Variants in ARPP21 observed in about 807,000 individuals in gnomAD.
The protein encoded by ARPP21 is cAMP regulated phosphoprotein 21, also known as cAMP-regulated phosphoprotein 21.
ARPP21 carries 69 observed loss-of-function variants against 113.2 expected under a neutral mutation model. The ratio of observed to expected loss-of-function variants is 0.61; its 90% CI spans 0.50 to 0.74. The LOEUF is 0.74. Among genes scored for constraint, ARPP21 ranks in the 30% least tolerant of loss-of-function variants. ARPP21 has a pLI of 0.00. For synonymous variants in ARPP21, 368 were observed against 375.5 expected (o/e 0.98, Z 0.23); for missense variants, 1,070 against 1,037.4 (o/e 1.03, Z -0.43).
chr3:35,687,252 T>C (rs548245208), intron 5 of ARPP21, among the ~76,000 whole-genome samples: 13 of 151,484 alleles, frequency 8.6e-5, no homozygotes, highest in African/African-American at 2.9e-4. Flanking sequence ...TTTTTAATTG[T>C]AAATTCAGTA....
chr3:35,746,223 A>G (rs2095039684), intron 19 of ARPP21, among the ~76,000 whole-genome samples: 1 of 152,208 alleles, frequency 6.6e-6, no homozygotes, highest in Non-Finnish European at 1.5e-5. Flanking sequence ...TTGGGAAAGC[A>G]GATGGTGTTC....
At chr3:35,705,040 C>G (rs188099608) in intron 9 of ARPP21, among the ~76,000 whole-genome samples, 2 of 152,104 alleles carry the variant, frequency 1.3e-5, no homozygotes, top group East Asian at 3.9e-4. Context: ...CAAATACAAA[C>G]AAAATTTCTG....
At chr3:35,713,158 G>C (rs1423622567) in intron 11 of ARPP21, among the ~76,000 whole-genome samples, 4 of 152,068 alleles carry the variant, frequency 2.6e-5, no homozygotes, top group Non-Finnish European at 5.9e-5. Flanking sequence ...ATCCGAGAAT[G>C]CATATAAGTG....
intron 19 of ARPP21, among the ~76,000 whole-genome samples, chr3:35,789,089 C>G (rs2096691607): frequency 6.6e-6 from 1 of 152,194 alleles, no homozygotes; most frequent in African/African-American, 2.4e-5. Flanking sequence ...ACTGTTGCTG[C>G]TTCAGTTTTG....
intron 1 of ARPP21, among the ~76,000 whole-genome samples, chr3:35,674,382 G>A (rs1193547984): frequency 1.3e-5 from 2 of 151,886 alleles, no homozygotes; most frequent in Non-Finnish European, 1.5e-5. Context: ...ATTTGTTTCA[G>A]TTACACAAGG....
At chr3:35,740,390 G>A (rs1308258220) in intron 18 of ARPP21, among the ~76,000 whole-genome samples, 7 of 152,190 alleles carry the variant, frequency 4.6e-5, no homozygotes, top group Non-Finnish European at 7.3e-5. Flanking sequence ...TGGATGAGCT[G>A]TTTAAAGTGC....
At chr3:35,706,916 A>G in intron 9 of ARPP21, 58 bp from the exon 10 acceptor site, 11 of 1,339,152 alleles carry the variant, frequency 8.2e-6, no homozygotes, top group Non-Finnish European at 1.2e-5. Context: ...AACACTAAAA[A>G]ATAACTTTAA....
At chr3:35,772,730 G>A (rs930121371) in intron 19 of ARPP21, among the ~76,000 whole-genome samples, 1 of 152,030 alleles carries the variant, frequency 6.6e-6, no homozygotes, top group South Asian at 2.1e-4. Context: ...TTTATTTTGG[G>A]CAGTCATCTG....
intron 1 of ARPP21, among the ~76,000 whole-genome samples, chr3:35,675,885 T>G (rs181579707): frequency 6.6e-5 from 10 of 151,966 alleles, no homozygotes; most frequent in Non-Finnish European, 1.2e-4. Context: ...CATGGAATGT[T>G]ACATCCACAG....
chr3:35,767,184 G>A (rs2096011671), intron 19 of ARPP21, among the ~76,000 whole-genome samples: 1 of 152,114 alleles, frequency 6.6e-6, no homozygotes, highest in Non-Finnish European at 1.5e-5. Context: ...AAATCAAGCT[G>A]TGGAATCAAA....
At chr3:35,752,715 C>T (rs977560713) in intron 19 of ARPP21, among the ~76,000 whole-genome samples, 4 of 152,036 alleles carry the variant, frequency 2.6e-5, no homozygotes, top group Non-Finnish European at 4.4e-5. Context: ...GTGATGCTGG[C>T]GCTACTGGTC....
chr3:35,672,168 G>C (rs1380067846), intron 1 of ARPP21, among the ~76,000 whole-genome samples: 1 of 152,016 alleles, frequency 6.6e-6, no homozygotes, highest in Non-Finnish European at 1.5e-5. Flanking sequence ...AAATCCCTTT[G>C]TCTGCTGACT....
intron 15 of ARPP21, among the ~76,000 whole-genome samples, chr3:35,736,964 CT>C (rs1383373803): frequency 3.9e-5 from 6 of 152,292 alleles, no homozygotes; most frequent in African/African-American, 1.4e-4. Flanking sequence ...TTATTTGCTG[CT>C]TCTTAAATTG....
chr3:35,775,937 C>A (rs1470459586), intron 19 of ARPP21, among the ~76,000 whole-genome samples: 1 of 152,070 alleles, frequency 6.6e-6, no homozygotes, highest in African/African-American at 2.4e-5. Context: ...TTTTTAAATG[C>A]ATAAAGTGTA....
At position 35,721,707 on chromosome 3, in the gene ARPP21, C is replaced by T; in HGVS notation, c.1098C>T (p.Asp366=). ...SDHQRAWSST[D]SDSSNRNLKP... ...ACCAAAGGGCCTGGAGCAGCACAGA[C>T]TCCGACAGTTCCAACCGCAATCTAA... The change falls in exon 14 of 21, where the codon GAC becomes GAT. Residue 366 remains aspartate (D), a synonymous_variant. Coordinates refer to ENST00000684406, the MANE Select transcript of ARPP21 (RefSeq NM_001385562.1). 3 of 1,613,944 alleles carry T rather than the reference C, an allele frequency of 1.9e-6. No homozygotes were observed. The South Asian group carries it at 3.3e-5, about 18-fold the overall frequency.
chr3:35,719,968 T>G (rs892527218), intron 13 of ARPP21, among the ~76,000 whole-genome samples: 3 of 152,208 alleles, frequency 2.0e-5, no homozygotes, highest in Non-Finnish European at 4.4e-5. Context: ...AGCAAGCCCT[T>G]GAAAAGGCTA....
chr3:35,782,405 A>G (rs1158462947), intron 19 of ARPP21, among the ~76,000 whole-genome samples: 4 of 152,150 alleles, frequency 2.6e-5, no homozygotes, highest in Non-Finnish European at 5.9e-5. Flanking sequence ...TATTTCCTTC[A>G]GGTTCTTCTC....
At chr3:35,691,295 T>C (rs1445372384) in intron 9 of ARPP21, among the ~76,000 whole-genome samples, 2 of 151,642 alleles carry the variant, frequency 1.3e-5, no homozygotes, top group African/African-American at 4.8e-5. Context: ...TACAAAGCTG[T>C]GAAAAATTTT....
At chr3:35,785,549 T>C (rs1365517270) in intron 19 of ARPP21, among the ~76,000 whole-genome samples, 1 of 152,104 alleles carries the variant, frequency 6.6e-6, no homozygotes, top group Non-Finnish European at 1.5e-5. Context: ...AAACCAGCTT[T>C]GTATTTGTGA....
Sources: gnomAD v4.1 joint callset for allele counts (sites outside exome capture counted in the v4.1 genomes callset) on GRCh38, gnomAD v4.1.1 for gene constraint, MANE v1.5 for transcripts, NCBI Gene and HGNC (gene_info 2026-07-23, HGNC 2026-07-21) for gene names.